ROS1: variants seen among roughly 807,000 people sequenced by gnomAD.
ROS1 encodes the protein ROS proto-oncogene 1, receptor tyrosine kinase.
Under a neutral mutation model 273.5 loss-of-function variants are expected in ROS1, and 263 were observed. The observed-to-expected ratio is 0.96, with a 90% CI of 0.87 to 1.06. The LOEUF (loss-of-function observed/expected upper bound fraction) is 1.06. Among genes scored for constraint, ROS1 ranks in the 50% least tolerant of loss-of-function variants. The pLI is 0.00. For missense variants in ROS1, 2,833 were observed against 2,751.1 expected (o/e 1.03, Z -0.67); for synonymous variants, 1,008 against 954.1 (o/e 1.06, Z -1.04).
chr6:117,382,274 G>C (rs184056350), intron 17 of ROS1, among the ~76,000 whole-genome samples: 1 of 152,012 alleles, frequency 6.6e-6, no homozygotes, highest in Non-Finnish European at 1.5e-5. Context: ...TTAAATGTCT[G>C]TGTTATAATC....
In ROS1 at chr6:117,359,847, G is replaced by A. The variant is rs1407363767; in HGVS notation, c.3595C>T (p.Leu1199Phe). ...EMGYYAEGDS[L>F]FLLHLHNRSS... ...CGATTGTGCAAGTGCAGAAGAAAGA[G>A]TGAGTCCCCTTCAGCATAATATCCC... Residue 1199 changes from leucine to phenylalanine, a missense_variant, in exon 24 of 44, where the codon CTC becomes TTC. Transcript: ENST00000368507. The A allele has an allele frequency of 6.2e-7, 1 of 1,613,960 alleles. No homozygotes were observed. Among genetic ancestry groups the A allele is most frequent in the African/African-American group, 1.3e-5 (1 of 75,052 alleles).
chr6:117,365,012 G>C, intron 21 of ROS1, 48 bp downstream of exon 21: 2 of 1,568,590 alleles, frequency 1.3e-6, no homozygotes, highest in Non-Finnish European at 1.7e-6. Flanking sequence ...ATCATGAAAA[G>C]TGAGATTCTG....
chr6:117,418,229 CACAATT>C (rs146931031), intron 2 of ROS1, among the ~76,000 whole-genome samples: 8,194 of 152,234 alleles, frequency 0.054, 257 homozygotes, highest in Middle Eastern at 0.092. Context: ...TCCAAAGCCA[CACAATT>C]ACATAGAGAC....
At chr6:117,323,085 CG>C (rs1776393542) in intron 35 of ROS1, among the ~76,000 whole-genome samples, 1 of 152,090 alleles carries the variant, frequency 6.6e-6, no homozygotes, top group Non-Finnish European at 1.5e-5. Flanking sequence ...CAGTCATATG[CG>C]TAAGTCTGGA....
In ROS1 at chr6:117,404,356, G is replaced by A. The variant is rs2128726676; in HGVS notation, c.389C>T (p.Ser130Phe). 1 of 1,613,926 alleles carries A rather than the reference G, an allele frequency of 6.2e-7. No individual in the cohort carries two copies. The highest frequency in any genetic ancestry group is 8.5e-7 in the Non-Finnish European group (1 of 1,179,826). Reference sequence around the variant, plus strand: ...GTATTTTACTCCAGAGAAGTTTGCAGATTTCCATCGTAATGTCATATTGTG... The same window carrying A: ...GTATTTTACTCCAGAGAAGTTTGCAAATTTCCATCGTAATGTCATATTGTG... ...GSHNMTLRWK[S>F]ANFSGVKYII... Residue 130 changes from serine (S) to phenylalanine (F), a missense_variant, in exon 6 of 44, where the codon TCT becomes TTT. Transcript: ENST00000368507.
At chr6:117,352,808 G>A (rs1223961500) in intron 27 of ROS1, among the ~76,000 whole-genome samples, 182 bp downstream of exon 27, 1 of 152,210 alleles carries the variant, frequency 6.6e-6, no homozygotes, top group Non-Finnish European at 1.5e-5. Context: ...TTTACACATA[G>A]AAGTAATTTG....
intron 18 of ROS1, among the ~76,000 whole-genome samples, chr6:117,367,280 T>G (rs1461681811): frequency 6.6e-6 from 1 of 151,592 alleles, no homozygotes; most frequent in East Asian, 1.9e-4. Flanking sequence ...GAAAGCCTAT[T>G]GCATTGAGGG....
At chr6:117,324,675 A>T (rs1329458930) in intron 34 of ROS1, among the ~76,000 whole-genome samples, 1 of 152,162 alleles carries the variant, frequency 6.6e-6, no homozygotes, top group African/African-American at 2.4e-5. Flanking sequence ...CTACTTTAAA[A>T]TGACTTAGGA....
At chr6:117,344,730 A>G (rs976640731) in intron 27 of ROS1, among the ~76,000 whole-genome samples, 9 of 152,164 alleles carry the variant, frequency 5.9e-5, no homozygotes, top group African/African-American at 2.2e-4. Flanking sequence ...GAATTGAATA[A>G]AGGACTCACT....
At chr6:117,388,162 A>G in intron 13 of ROS1, 170 bp from the exon 14 acceptor site, 1 of 1,020,386 alleles carries the variant, frequency 9.8e-7, no homozygotes, top group African/African-American at 1.6e-5. Context: ...AGGCTAGGAC[A>G]GTGTTCATTC....
At chr6:117,358,600 C>T (rs2128646636) in intron 24 of ROS1, among the ~76,000 whole-genome samples, 1 of 152,162 alleles carries the variant, frequency 6.6e-6, no homozygotes, top group Admixed American at 6.5e-5. Flanking sequence ...GCTGAGACTA[C>T]AGGTGCGCAC....
chr6:117,340,499 A>C lies in ROS1; in HGVS notation c.5061+636T>G, dbSNP rs149816189. On this transcript the variant is annotated intron_variant, in intron 31 of 43. Coordinates refer to ENST00000368507, the MANE Select transcript of ROS1 (RefSeq NM_001378902.1). ...GCACATATATAATAGTTAAAATAAC[A>C]AGTAGCAATTATAAAAAATTAATAA... is the stretch of plus-strand genomic sequence containing the variant. 8.2e-3 allele frequency among the ~76,000 whole-genome samples: 1,245 copies of C among 152,314 alleles called. 7 individuals carry two copies. The highest frequency in any genetic ancestry group is 0.013 in the Non-Finnish European group (892 of 68,010).
rs1388562198 is a variant in ROS1, at chr6:117,404,361, C to T, written c.384G>A (p.Trp128Ter). The T allele has an allele frequency of 6.2e-7, 1 of 1,613,862 alleles. No individual in the cohort carries two copies. Among genetic ancestry groups the T allele is most frequent in the Non-Finnish European group, 8.5e-7 (1 of 1,179,904 alleles). The change falls in exon 6 of 44, where the codon TGG becomes TGA. Residue 128 changes from tryptophan (W) to a stop codon, truncating the protein, a stop_gained. Transcript: ENST00000368507. LOFTEE classifies it high-confidence loss of function. ...TTACTCCAGAGAAGTTTGCAGATTT[C>T]CATCGTAATGTCATATTGTGGCTTC... is the stretch of plus-strand genomic sequence containing the variant. ...SIGSHNMTLR[W>*]KSANFSGVKY...
intron 18 of ROS1, among the ~76,000 whole-genome samples, chr6:117,376,586 T>C (rs1278129205): frequency 6.6e-6 from 1 of 152,218 alleles, no homozygotes; most frequent in Admixed American, 6.5e-5. Flanking sequence ...TACAAAGTCA[T>C]ATACAAAAAG....
chr6:117,367,318 C>G (rs1365153720), intron 18 of ROS1, among the ~76,000 whole-genome samples: 1 of 152,128 alleles, frequency 6.6e-6, no homozygotes, highest in East Asian at 1.9e-4. Context: ...ACCCAAAGAG[C>G]AAGAATTTCC....
rs1336637226 is a variant in ROS1, at chr6:117,366,089, A to C, written c.2784T>G (p.Leu928=). The C allele has an allele frequency of 1.2e-6, 2 of 1,613,364 alleles. No individual in the cohort carries two copies. Among genetic ancestry groups the C allele is most frequent in the Admixed American group, 3.3e-5 (2 of 60,026 alleles). The part of the protein sequence containing the change: ...FNQFTIIQTS[L]KPLPGNFSFT... ...GAAATACTGTACCTGGCAGGGGCTT[A>C]AGGGATGTCTGAATAATTGTGAACT... The change falls in exon 19 of 44, where the codon CTT becomes CTG. Residue 928 remains leucine (L), a synonymous_variant. Coordinates refer to ENST00000368507, the MANE Select transcript of ROS1 (RefSeq NM_001378902.1).
intron 34 of ROS1, 113 bp from the exon 35 acceptor site, chr6:117,324,528 C>T (rs1041402489): frequency 1.6e-5 from 9 of 579,620 alleles, no homozygotes; most frequent in African/African-American, 1.2e-4. Context: ...TGGATTTTTG[C>T]AAGCCAGTTG....
intron 39 of ROS1, 122 bp from the exon 40 acceptor site, chr6:117,311,239 A>T: frequency 2.1e-6 from 1 of 467,506 alleles, no homozygotes; most frequent in Non-Finnish European, 3.7e-6. Context: ...GATGTTTTAA[A>T]GGGATTTTTA....
chr6:117,293,529 A>G (rs1727727792), intron 43 of ROS1, among the ~76,000 whole-genome samples: 1 of 152,212 alleles, frequency 6.6e-6, no homozygotes, highest in African/African-American at 2.4e-5. Flanking sequence ...AGGATGAATT[A>G]GGAAACTTTT....
Sources: allele counts gnomAD v4.1 joint callset (sites outside exome capture counted in the v4.1 genomes callset), GRCh38; gene constraint gnomAD v4.1.1; transcripts MANE v1.5; gene names NCBI Gene and HGNC (gene_info 2026-07-23, HGNC 2026-07-21).